The following TBCK variants were observed in gnomAD, a reference collection of about 807,000 sequenced individuals.
TBCK encodes TBC1 domain containing kinase, also known as TBC domain-containing protein kinase-like protein.
In TBCK, 99 loss-of-function variants were observed where a neutral mutation model predicts 113.4. The observed-to-expected ratio is 0.87, with a 90% CI of 0.74 to 1.03. The LOEUF is 1.03. TBCK is among the 50% of genes least tolerant of loss of function. The pLI, the probability that TBCK is intolerant of heterozygous loss-of-function variation, is 0.00. For missense variants in TBCK, 1,045 were observed against 1,061.3 expected (o/e 0.98, Z 0.21); for synonymous variants, 369 against 370.8 (o/e 1.00, Z 0.05).
chr4:106,207,972 T>G (rs1755716592), intron 20 of TBCK, among the ~76,000 whole-genome samples: 1 of 152,216 alleles, frequency 6.6e-6, no homozygotes, highest in African/African-American at 2.4e-5. Context: ...TGTGAATTAA[T>G]TACTCAGAAA....
rs183909183 is a variant in TBCK, at chr4:106,202,293, A to G, written c.1861-7539T>C. On this transcript the variant is annotated intron_variant, in intron 20 of 25. Coordinates refer to ENST00000394708, the MANE Select transcript of TBCK (RefSeq NM_001163435.3). The stretch of plus-strand genomic sequence containing the variant: ...AACAATTATTTCATCAATACCAATT[A>G]ATTATTCTCAACTATGCTTAAAAAT... Among the ~76,000 whole-genome samples, 316 of 152,124 alleles carry G rather than the reference A, an allele frequency of 2.1e-3. 1 individual carries two copies. Among genetic ancestry groups the G allele is most frequent in the African/African-American group, 7.2e-3 (301 of 41,560 alleles).
chr4:106,137,377 A>T (rs1321401970), intron 23 of TBCK, among the ~76,000 whole-genome samples: 2 of 140,142 alleles, frequency 1.4e-5, no homozygotes, highest in Non-Finnish European at 1.6e-5. Context: ...CATTTTTCCA[A>T]ATGTTTACAA....
In TBCK at chr4:106,260,445, G is replaced by A. The variant is rs964221464; in HGVS notation, c.447C>T (p.Phe149=). ...GGAAAACATATCCTTACCCTATTGGGAAATCAACATCATCACCATGAGCTG... is the reference window on the plus strand; with the variant it reads ...GGAAAACATATCCTTACCCTATTGGAAAATCAACATCATCACCATGAGCTG... ...HMTAHGDDVD[F]PIGYPSYLAP... The change falls in exon 5 of 26, where the codon TTC becomes TTT. Residue 149 remains phenylalanine (F), a synonymous_variant. Coordinates refer to ENST00000394708, the MANE Select transcript of TBCK (RefSeq NM_001163435.3). 1.5e-6 allele frequency: 2 copies of A among 1,358,168 alleles called. No homozygotes were observed. The highest frequency in any genetic ancestry group is 1.9e-5 in the South Asian group (1 of 53,768). The allele number at this position is 1,358,168 out of a possible 1,614,324, so 84.1% of individuals were successfully genotyped here.
chr4:106,165,455 C>G (rs971207500), intron 23 of TBCK, among the ~76,000 whole-genome samples: 2 of 151,806 alleles, frequency 1.3e-5, no homozygotes, highest in Admixed American at 6.6e-5. Context: ...GAAAAGCCAG[C>G]CTCCCTAATC....
At chr4:106,091,406 G>A (rs1358030879) in intron 25 of TBCK, among the ~76,000 whole-genome samples, 2 of 152,226 alleles carry the variant, frequency 1.3e-5, no homozygotes, top group African/African-American at 4.8e-5. Context: ...GAACTGGTGG[G>A]TTCTTGGTCT....
chr4:106,098,769 G>A (rs900002285), intron 24 of TBCK, among the ~76,000 whole-genome samples: 4 of 151,988 alleles, frequency 2.6e-5, no homozygotes, highest in Non-Finnish European at 5.9e-5. Flanking sequence ...TTTGGCATAT[G>A]GTGACCTTAC....
intron 24 of TBCK, among the ~76,000 whole-genome samples, chr4:106,097,557 A>G (rs1279920848): frequency 6.6e-6 from 1 of 152,168 alleles, no homozygotes; most frequent in Non-Finnish European, 1.5e-5. Flanking sequence ...GTATATTTAT[A>G]ATGAATAGCC....
chr4:106,099,482 A>G (rs1741295427), intron 24 of TBCK, among the ~76,000 whole-genome samples: 2 of 152,162 alleles, frequency 1.3e-5, no homozygotes, highest in Admixed American at 6.5e-5. Flanking sequence ...TACCTTTAGT[A>G]TATCAACAGC....
In TBCK at chr4:106,045,934, T is replaced by C. The variant is rs1734179655; in HGVS notation, c.*636A>G. 1 of 152,232 alleles carries C rather than the reference T, an allele frequency of 6.6e-6. No individual in the cohort carries two copies. Among genetic ancestry groups the C allele is most frequent in the Admixed American group, 6.5e-5 (1 of 15,278 alleles). The allele number at this position is 152,232 out of a possible 1,614,324, so 9.4% of individuals were successfully genotyped here. ...GAAACTAGAAAATTTGTTTAAGCCA[T>C]TCGTCTTTGCTACAGGAACTGACCA... is the stretch of plus-strand genomic sequence containing the variant. On this transcript the variant is annotated 3_prime_UTR_variant, in exon 26 of 26. Transcript: ENST00000394708.
In TBCK at chr4:106,179,436, C is replaced by A. The variant is rs574676540; in HGVS notation, c.2060-8166G>T. Among the ~76,000 whole-genome samples, 4 of 151,900 alleles carry A rather than the reference C, an allele frequency of 2.6e-5. No homozygotes were observed. In the East Asian group the frequency reaches 7.8e-4, roughly 29 times the overall value. On this transcript the variant is annotated intron_variant, in intron 22 of 25. Transcript: ENST00000394708. Reference sequence around the variant, plus strand: ...TATCCCATATATTTTGGTATATTTCCATTTTCATTTGCACATTTTCTGTTA... The same window carrying A: ...TATCCCATATATTTTGGTATATTTCAATTTTCATTTGCACATTTTCTGTTA...
chr4:106,102,955 C>T (rs1033240300), intron 24 of TBCK, among the ~76,000 whole-genome samples: 2 of 151,984 alleles, frequency 1.3e-5, no homozygotes, highest in African/African-American at 2.4e-5. Context: ...CACATAAATC[C>T]TAGACTTTAA....
chr4:106,149,260 C>T (rs1261657204), intron 23 of TBCK, among the ~76,000 whole-genome samples: 1 of 152,196 alleles, frequency 6.6e-6, no homozygotes, highest in East Asian at 1.9e-4. Flanking sequence ...CTGTTGTTCA[C>T]TCGAGTAGCA....
At chr4:106,122,827 C>G (rs553383281) in intron 23 of TBCK, among the ~76,000 whole-genome samples, 29 of 152,110 alleles carry the variant, frequency 1.9e-4, no homozygotes, top group African/African-American at 6.3e-4. Context: ...ATTCAACAAC[C>G]CTTCATGCTA....
intron 1 of TBCK, chr4:106,310,623 T>C (rs1037450288): frequency 2.0e-5 from 3 of 152,140 alleles, no homozygotes; most frequent in Non-Finnish European, 2.9e-5. Context: ...ATTCCGGAAT[T>C]TGTAGGACCC....
intron 15 of TBCK, 64 bp downstream of exon 15, chr4:106,235,205 A>G (rs1759307130): frequency 3.1e-5 from 30 of 981,138 alleles, no homozygotes; most frequent in Non-Finnish European, 3.9e-5. Flanking sequence ...TTTGGAAAGC[A>G]CTCTCCTTCT....
chr4:106,109,018 TACACAC>T (rs112164356), intron 24 of TBCK, among the ~76,000 whole-genome samples: 83 of 140,602 alleles, frequency 5.9e-4, no homozygotes, highest in African/African-American at 1.7e-3. Context: ...GACACACACA[TACACAC>T]ACACACACAC....
intron 2 of TBCK, among the ~76,000 whole-genome samples, chr4:106,299,277 C>A (rs1579561287): frequency 6.6e-6 from 1 of 152,168 alleles, no homozygotes; most frequent in Non-Finnish European, 1.5e-5. Context: ...CTGAACAGAG[C>A]CCTGTCCTGT....
chr4:106,111,164 G>A (rs1742808125), intron 24 of TBCK, among the ~76,000 whole-genome samples: 1 of 152,094 alleles, frequency 6.6e-6, no homozygotes, highest in African/African-American at 2.4e-5. Context: ...TAAAGGGAGA[G>A]AAATTATAAA....
intron 19 of TBCK, among the ~76,000 whole-genome samples, chr4:106,215,049 G>A (rs1340094788): frequency 1.3e-5 from 2 of 150,328 alleles, no homozygotes; most frequent in African/African-American, 4.9e-5. Context: ...GAAGAGAGTG[G>A]GGGCCAATAT....
Sources: gnomAD v4.1 joint callset for allele counts (sites outside exome capture counted in the v4.1 genomes callset) on GRCh38, gnomAD v4.1.1 for gene constraint, MANE v1.5 for transcripts, NCBI Gene and HGNC (gene_info 2026-07-23, HGNC 2026-07-21) for gene names.